Variants in EDRF1 observed in about 807,000 individuals in gnomAD.
EDRF1 encodes erythroid differentiation regulatory factor 1.
EDRF1 carries 69 observed loss-of-function variants against 148.7 expected under a neutral mutation model. The observed-to-expected ratio is 0.46, with a 90% CI of 0.38 to 0.57. EDRF1 has a LOEUF of 0.57. Among genes scored for constraint, EDRF1 ranks in the 20% least tolerant of loss-of-function variants. The probability of loss-of-function intolerance (pLI) is 0.00; values close to 1 mark genes in which losing one functional copy is unlikely to be tolerated. For synonymous variants in EDRF1, 515 were observed against 532.8 expected, an observed-to-expected ratio of 0.97 and a Z score of 0.46; for missense variants, 1,118 against 1,478.7, an observed-to-expected ratio of 0.76 and a Z score of 4.00.
intron 12 of EDRF1, among the ~76,000 whole-genome samples, chr10:125,734,682 A>G (rs1848646192): frequency 6.6e-6 from 1 of 152,154 alleles, no homozygotes; most frequent in South Asian, 2.1e-4. Flanking sequence ...ATATTAAAGC[A>G]TCTCTTAAAT....
At position 125,741,336 on chromosome 10, in the gene EDRF1, A is replaced by G. The variant is rs754105452; in HGVS notation, c.2371+135A>G. The G allele has an allele frequency of 1.0e-5, 10 of 984,156 alleles. 1 individual carries two copies. In the South Asian group the frequency reaches 1.4e-4, roughly 14 times the overall value. The allele number at this position is 984,156 out of a possible 1,614,324, so 61.0% of individuals were successfully genotyped here. ...TCTGTATTTATTTATTTATTTTTTGAGACGGAGTTTCGCTCTTGTTGCCCA... is the reference window on the plus strand; with the variant it reads ...TCTGTATTTATTTATTTATTTTTTGGGACGGAGTTTCGCTCTTGTTGCCCA... On this transcript the variant is annotated intron_variant, in intron 17 of 24. Transcript: ENST00000356792.
chr10:125,723,797 C>G lies in EDRF1; in HGVS notation c.385-14C>G, dbSNP rs781065462. On this transcript the variant is annotated splice_polypyrimidine_tract_variant and intron_variant, in intron 3 of 24. Transcript: ENST00000356792. ...ACAGTCTTTCTAAACTATTTTTTCT[C>G]TTAATTTTTTAAGAACATAAAAAAA... 6.2e-7 allele frequency: 1 copy of G among 1,610,192 alleles called. No individual in the cohort carries two copies. Among genetic ancestry groups the G allele is most frequent in the East Asian group, 2.2e-5 (1 of 44,796 alleles).
At chr10:125,746,158 T>G (rs543948824) in intron 19 of EDRF1, among the ~76,000 whole-genome samples, 2 of 152,342 alleles carry the variant, frequency 1.3e-5, no homozygotes, top group South Asian at 4.1e-4. Flanking sequence ...TGCAAATGGT[T>G]TGTACAACGA....
chr10:125,720,378 A>G lies in EDRF1; in HGVS notation c.108+463A>G, dbSNP rs573502419. ...AGGAACGAACCCCCAATGCCTTTCTATGAAGTTAGAGACTCAAGAGTATTT... is the reference window on the plus strand; with the variant it reads ...AGGAACGAACCCCCAATGCCTTTCTGTGAAGTTAGAGACTCAAGAGTATTT... On this transcript the variant is annotated intron_variant, in intron 1 of 24. Transcript: ENST00000356792. Among the ~76,000 whole-genome samples, 6 of 152,214 alleles carry G rather than the reference A, an allele frequency of 3.9e-5. No homozygotes were observed. In the East Asian group the frequency reaches 7.7e-4, roughly 20 times the overall value.
chr10:125,729,312 T>C (rs1279611640), intron 7 of EDRF1, 46 bp from the exon 8 acceptor site: 1 of 1,605,604 alleles, frequency 6.2e-7, no homozygotes, highest in African/African-American at 1.3e-5. Context: ...TGGGGGGAAA[T>C]TACAGATTGA....
intron 23 of EDRF1, among the ~76,000 whole-genome samples, chr10:125,753,129 T>C (rs984833654): frequency 3.9e-5 from 6 of 152,234 alleles, no homozygotes; most frequent in African/African-American, 1.4e-4. Context: ...TTTTTAAGAA[T>C]ATATCTCAAC....
At chr10:125,750,138 C>G (rs1317899444) in intron 22 of EDRF1, among the ~76,000 whole-genome samples, 1 of 151,852 alleles carries the variant, frequency 6.6e-6, no homozygotes, top group Admixed American at 6.6e-5. Context: ...AAGACTGTGT[C>G]TCAAAAAACA....
In EDRF1 at chr10:125,719,814, G is replaced by A. The variant is rs745312721; in HGVS notation, c.7G>A (p.Asp3Asn). 56 of 1,610,528 alleles carry A rather than the reference G, an allele frequency of 3.5e-5. No individual in the cohort carries two copies. Among genetic ancestry groups the A allele is most frequent in the Admixed American group, 1.7e-5 (1 of 59,692 alleles). MGDAKEAGAEGPP... is the reference protein window; with the variant it reads MGNAKEAGAEGPP... ...CCTGCCCTGGATCGAAGTGATGGGG[G>A]ATGCCAAGGAGGCCGGAGCCGAGGG... The change falls in exon 1 of 25, where the codon GAT (aspartate) becomes AAT (asparagine). Residue 3 changes from aspartate to asparagine, a missense_variant. This residue lies in a region of EDRF1 where 65 missense variants were observed against 50.3 expected (regional missense o/e 1.29). Transcript: ENST00000356792.
At chr10:125,756,944 C>G (rs1849926970) in intron 24 of EDRF1, 1 of 396,626 alleles carries the variant, frequency 2.5e-6, no homozygotes, top group Non-Finnish European at 4.9e-6. Context: ...CTCAGAGTAG[C>G]TGGGACCACG....
intron 13 of EDRF1, 75 bp from the exon 14 acceptor site, chr10:125,737,843 T>A: frequency 7.0e-7 from 1 of 1,421,908 alleles, no homozygotes; most frequent in Non-Finnish European, 9.9e-7. Flanking sequence ...TACAGTAATT[T>A]AATCTTCAAC....
At position 125,753,765 on chromosome 10, in the gene EDRF1, C is replaced by G. The variant is rs781756316; in HGVS notation, c.3465C>G (p.Leu1155=). 1.9e-6 allele frequency: 3 copies of G among 1,613,942 alleles called. No homozygotes were observed. Among genetic ancestry groups the G allele is most frequent in the Middle Eastern group, 1.7e-4 (1 of 6,018 alleles). ...PSLNREEVMK[L]LSIFESRLSF... ...TCAATCGAGAAGAAGTGATGAAACT[C>G]CTCAGTATATTTGAGTCTCGGTTGT... is the stretch of plus-strand genomic sequence containing the variant. Residue 1155 remains leucine (L), a synonymous_variant, in exon 24 of 25, where the codon CTC becomes CTG. Transcript: ENST00000356792.
At chr10:125,752,745 A>G in intron 22 of EDRF1, 54 bp from the exon 23 acceptor site, 1 of 1,175,726 alleles carries the variant, frequency 8.5e-7, no homozygotes, top group East Asian at 2.4e-5. Context: ...TTAACATTAG[A>G]TGGGTTTCTA....
At chr10:125,742,540 G>T in intron 17 of EDRF1, 2 of 985,338 alleles carry the variant, frequency 2.0e-6, no homozygotes, top group Non-Finnish European at 2.4e-6. Flanking sequence ...AAATAATCAT[G>T]TTTTAATGTA....
chr10:125,729,188 G>C (rs546696302), intron 7 of EDRF1, 84 bp downstream of exon 7: 3 of 1,466,896 alleles, frequency 2.0e-6, no homozygotes, highest in Non-Finnish European at 2.8e-6. Context: ...GAAATTGATA[G>C]GGAAAAACTC....
intron 24 of EDRF1, among the ~76,000 whole-genome samples, chr10:125,760,755 A>G (rs972664301): frequency 8.5e-5 from 13 of 152,228 alleles, no homozygotes; most frequent in African/African-American, 2.7e-4. Flanking sequence ...AGAAAATGCA[A>G]TCAGCCCTCT....
rs1443236149 is a variant in EDRF1 at position 125,747,444 on chromosome 10, A to G, written c.2815-92A>G. ...TAAATTATCCCAAAATTAAATTAAC[A>G]TCTGGGTAGTTGTGAAGTGTGTTTT... On this transcript the variant is annotated intron_variant, in intron 19 of 24. Transcript: ENST00000356792. 4.5e-6 allele frequency: 6 copies of G among 1,339,640 alleles called. No homozygotes were observed. The African/African-American group carries it at 7.2e-5, about 16-fold the overall frequency. 83.0% of individuals were successfully genotyped at this position (1,339,640 alleles called of 1,614,324 possible).
Position 125,747,843 on chromosome 10 carries a change from C to A in EDRF1, c.2974-20C>A. On this transcript the variant is annotated intron_variant, in intron 20 of 24. Coordinates refer to ENST00000356792, the MANE Select transcript of EDRF1 (RefSeq NM_001202438.2). The stretch of plus-strand genomic sequence containing the variant: ...CAGATTAGAAGCTTATTTTTTTCTT[C>A]CCCCTCAAAACAAGAACAGATTGAG... 1 of 1,613,610 alleles carries A rather than the reference C, an allele frequency of 6.2e-7. No individual in the cohort carries two copies. Among genetic ancestry groups the A allele is most frequent in the African/African-American group, 1.3e-5 (1 of 74,938 alleles).
At chr10:125,749,285 A>T in intron 21 of EDRF1, 127 bp from the exon 22 acceptor site, 1 of 1,086,098 alleles carries the variant, frequency 9.2e-7, no homozygotes, top group Non-Finnish European at 1.4e-6. Context: ...TAAAGACCTA[A>T]ATATAAAAGC....
chr10:125,739,094 TCC>T (rs1564741179), intron 15 of EDRF1, among the ~76,000 whole-genome samples: 1 of 151,950 alleles, frequency 6.6e-6, no homozygotes, highest in Non-Finnish European at 1.5e-5. Flanking sequence ...CTTATTTCTT[TCC>T]CCCTTTTAAA....
Sources: gnomAD v4.1 joint callset for allele counts (sites outside exome capture counted in the v4.1 genomes callset) on GRCh38, gnomAD v4.1.1 for gene constraint, gnomAD v4.1.1 regional missense constraint, MANE v1.5 for transcripts, NCBI Gene and HGNC (gene_info 2026-07-23, HGNC 2026-07-21) for gene names.